Variants in HELZ observed in about 807,000 individuals in gnomAD.
HELZ encodes ATP-dependent RNA helicase with zinc finger domain.
Under a neutral mutation model 218.2 loss-of-function variants are expected in HELZ, and 23 were observed. The observed-to-expected ratio is 0.11, with a 90% CI of 0.08 to 0.15. The LOEUF (loss-of-function observed/expected upper bound fraction) is 0.15, where lower values mean the gene tolerates loss of function less well. HELZ is among the 10% of genes least tolerant of loss of function. The pLI, the probability that HELZ is intolerant of heterozygous loss-of-function variation, is 1.00. For synonymous variants in HELZ, 814 were observed against 829.4 expected (o/e 0.98, Z 0.32); for missense variants, 1,813 against 2,353.7 (o/e 0.77, Z 4.75).
chr17:67,203,522 C>A, intron 5 of HELZ, 79 bp from the exon 6 acceptor site: 1 of 1,518,556 alleles, frequency 6.6e-7, no homozygotes, highest in East Asian at 2.3e-5. Context: ...AACACACTAT[C>A]ACAAGCGTGG....
At chr17:67,079,771 A>G (rs1406121088) in intron 32 of HELZ, among the ~76,000 whole-genome samples, 1 of 152,226 alleles carries the variant, frequency 6.6e-6, no homozygotes, top group Non-Finnish European at 1.5e-5. Flanking sequence ...TGTTGTGGTT[A>G]CAGTTTGCAT....
chr17:67,228,835 G>A (rs766928139), intron 3 of HELZ, among the ~76,000 whole-genome samples: 11 of 151,846 alleles, frequency 7.2e-5, no homozygotes, highest in East Asian at 5.8e-4. Context: ...TCCCCTGCCC[G>A]AGCCTCCCAA....
rs1411646369 is a variant in HELZ at position 67,107,417 on chromosome 17, G to A, written c.4993C>T (p.Pro1665Ser). 6.2e-7 allele frequency: 1 copy of A among 1,614,204 alleles called. No homozygotes were observed. The highest frequency in any genetic ancestry group is 8.5e-7 in the Non-Finnish European group (1 of 1,180,030). ...PQIFNSPFSL[P>S]SEHLAPPPLK... is the part of the protein sequence containing the mutation. ...GGAGGAGGGGCAAGGTGTTCAGATGGCAACGAGAAAGGTGAGTTGAATATC... is the reference window on the plus strand; with the variant it reads ...GGAGGAGGGGCAAGGTGTTCAGATGACAACGAGAAAGGTGAGTTGAATATC... The change falls in exon 31 of 33, where the codon CCA (proline) becomes TCA (serine). Residue 1665 changes from proline to serine, a missense_variant. Around this residue, in one of 4 missense-constraint regions of HELZ, gnomAD observed 938 missense variants for 1,027.5 expected, o/e 0.91. Coordinates refer to ENST00000358691, the MANE Select transcript of HELZ (RefSeq NM_014877.4).
In HELZ at chr17:67,178,613, C is replaced by A. The variant is rs757658193; in HGVS notation, c.1430+46G>T. ...TCATTTTAAAGATTAGAAATACCAT[C>A]CAAAGGGGAGATTTTTTGTTTTAAA... On this transcript the variant is annotated intron_variant, in intron 13 of 32. Transcript: ENST00000358691. The A allele has an allele frequency of 7.3e-6, 11 of 1,504,818 alleles. No homozygotes were observed. In the South Asian group the frequency reaches 1.4e-4, roughly 19 times the overall value. 93.2% of individuals were successfully genotyped at this position (1,504,818 alleles called of 1,614,324 possible).
At position 67,157,512 on chromosome 17, in the gene HELZ, T is replaced by C. The variant is rs753438756; in HGVS notation, c.2177+2749A>G. Among the ~76,000 whole-genome samples the C allele has an allele frequency of 7.0e-4, 107 of 152,366 alleles. 1 individual carries two copies. The highest frequency in any genetic ancestry group is 5.0e-4 in the Non-Finnish European group (34 of 68,034). Reference sequence around the variant, plus strand: ...TGTGCAACATTTAAGTTAGACACTGTCTAAAAGATTATTTAAAACACAGCC... The same window carrying C: ...TGTGCAACATTTAAGTTAGACACTGCCTAAAAGATTATTTAAAACACAGCC... On this transcript the variant is annotated intron_variant, in intron 17 of 32. Coordinates refer to ENST00000358691, the MANE Select transcript of HELZ (RefSeq NM_014877.4).
At chr17:67,125,234 T>C (rs555687046) in intron 24 of HELZ, among the ~76,000 whole-genome samples, 2 of 135,122 alleles carry the variant, frequency 1.5e-5, no homozygotes, top group African/African-American at 5.7e-5. Flanking sequence ...TAAAAAATCA[T>C]AGTTGGTCCA....
In HELZ at chr17:67,193,956, A is replaced by C; in HGVS notation, c.557+11T>G. On this transcript the variant is annotated intron_variant, in intron 9 of 32. Transcript: ENST00000358691. ...CATGTCATTGTTTAAAAACAAAAAAATTCACATTACCTTTTACACAAAGTA... is the reference window on the plus strand; with the variant it reads ...CATGTCATTGTTTAAAAACAAAAAACTTCACATTACCTTTTACACAAAGTA... The C allele has an allele frequency of 1.9e-6, 3 of 1,610,412 alleles. No individual in the cohort carries two copies. Among genetic ancestry groups the C allele is most frequent in the Non-Finnish European group, 2.5e-6 (3 of 1,177,578 alleles).
At chr17:67,183,839 C>T (rs75132559) in intron 12 of HELZ, among the ~76,000 whole-genome samples, 1,596 of 151,376 alleles carry the variant, frequency 0.011, 30 homozygotes, top group African/African-American at 0.036. Context: ...TTTCTGAACC[C>T]GAATCTCCCC....
intron 3 of HELZ, among the ~76,000 whole-genome samples, chr17:67,237,674 G>A (rs1023995304): frequency 3.3e-5 from 5 of 152,150 alleles, no homozygotes; most frequent in Non-Finnish European, 7.3e-5. Context: ...GCAAAAGGGA[G>A]GATGGAAAGT....
At chr17:67,147,240 C>T (rs1397946218) in intron 20 of HELZ, among the ~76,000 whole-genome samples, 2 of 152,020 alleles carry the variant, frequency 1.3e-5, no homozygotes, top group African/African-American at 4.8e-5. Context: ...TCCAGAATTG[C>T]CCCTGTGGTG....
At chr17:67,236,104 C>T (rs1457710405) in intron 3 of HELZ, among the ~76,000 whole-genome samples, 1 of 152,136 alleles carries the variant, frequency 6.6e-6, no homozygotes, top group South Asian at 2.1e-4. Flanking sequence ...CCATATTATA[C>T]CAGCCTTACC....
At chr17:67,152,096 T>C (rs2038702044) in intron 17 of HELZ, among the ~76,000 whole-genome samples, 1 of 152,172 alleles carries the variant, frequency 6.6e-6, no homozygotes, top group African/African-American at 2.4e-5. Context: ...AGAACATATA[T>C]GGTGGGGGTG....
At chr17:67,094,076 C>A (rs368564062) in intron 31 of HELZ, among the ~76,000 whole-genome samples, 3 of 152,274 alleles carry the variant, frequency 2.0e-5, no homozygotes, top group African/African-American at 7.2e-5. Context: ...AGTCCCAGCA[C>A]TTTTGGAGGC....
Position 67,182,695 on chromosome 17 carries a change from T to C in HELZ, c.1163-3769A>G, listed in dbSNP as rs2144250331. On this transcript the variant is annotated intron_variant, in intron 12 of 32. Coordinates refer to ENST00000358691, the MANE Select transcript of HELZ (RefSeq NM_014877.4). ...ACACCTAATCTTTTGAAGATAACAGTCTTTTGAAGGGGTTCCGCTATCAAA... is the reference window on the plus strand; with the variant it reads ...ACACCTAATCTTTTGAAGATAACAGCCTTTTGAAGGGGTTCCGCTATCAAA... Among the ~76,000 whole-genome samples the C allele has an allele frequency of 2.6e-5, 4 of 152,302 alleles. 1 individual carries two copies. In the Middle Eastern group the frequency reaches 0.01, roughly 389 times the overall value.
chr17:67,209,363 C>T (rs1261223998), intron 5 of HELZ, among the ~76,000 whole-genome samples: 1 of 151,708 alleles, frequency 6.6e-6, no homozygotes, highest in Non-Finnish European at 1.5e-5. Context: ...TTTGGGAGGC[C>T]GAGGTGGGTG....
At chr17:67,166,053 T>C (rs2039134724) in intron 15 of HELZ, among the ~76,000 whole-genome samples, 1 of 152,152 alleles carries the variant, frequency 6.6e-6, no homozygotes. Flanking sequence ...GAGAGTTGCT[T>C]GAGCCCGGGA....
upstream of HELZ, chr17:67,245,499 G>A: frequency 1.0e-6 from 1 of 985,852 alleles, no homozygotes; most frequent in Non-Finnish European, 1.2e-6. Flanking sequence ...GACGCCCCGC[G>A]TCTGCATTGA....
At chr17:67,167,821 T>A (rs770739748) in intron 13 of HELZ, 25 bp from the exon 14 acceptor site, 8 of 1,443,266 alleles carry the variant, frequency 5.5e-6, no homozygotes, top group Non-Finnish European at 6.7e-6. Context: ...GAAAACTAGT[T>A]TGAATATTTT....
In HELZ at chr17:67,123,988, A is replaced by G. The variant is rs780799179; in HGVS notation, c.3414T>C (p.Asn1138=). The change falls in exon 25 of 33, where the codon AAT becomes AAC. Residue 1138 remains asparagine, a synonymous_variant. Transcript: ENST00000358691. ...PKGKSLHHTQ[N]DHFQNDGIVQ... ...CAATTCCATCATTCTGGAAGTGATC[A>G]TTCTGGGTATGATGAAGACTTTTCC... 1 of 1,608,066 alleles carries G rather than the reference A, an allele frequency of 6.2e-7. No individual in the cohort carries two copies. The highest frequency in any genetic ancestry group is 8.5e-7 in the Non-Finnish European group (1 of 1,175,280).
Sources: gnomAD v4.1 joint callset for allele counts (sites outside exome capture counted in the v4.1 genomes callset) on GRCh38, gnomAD v4.1.1 for gene constraint, gnomAD v4.1.1 regional missense constraint, MANE v1.5 for transcripts, NCBI Gene and HGNC (gene_info 2026-07-23, HGNC 2026-07-21) for gene names.